Variants in LCLAT1 observed in about 807,000 individuals in gnomAD.
LCLAT1 encodes 1-AGP acyltransferase 8.
LCLAT1 carries 11 observed loss-of-function variants against 30.7 expected under a neutral mutation model. The observed-to-expected ratio is 0.36, with a 90% CI of 0.23 to 0.59. The LOEUF is 0.59. Ranked by LOEUF, LCLAT1 falls within the 20% of genes least tolerant of loss-of-function variation. The pLI is 0.77. For missense variants in LCLAT1, 402 were observed against 458.6 expected, an observed-to-expected ratio of 0.88 and a Z score of 1.13; for synonymous variants, 155 against 151.3, an observed-to-expected ratio of 1.02 and a Z score of -0.18.
intron 1 of LCLAT1, among the ~76,000 whole-genome samples, chr2:30,523,308 T>C (rs1487929055): frequency 6.6e-6 from 1 of 150,952 alleles, no homozygotes; most frequent in Non-Finnish European, 1.5e-5. Context: ...TATAGTGTCA[T>C]CAACGCAAAG....
intron 5 of LCLAT1, among the ~76,000 whole-genome samples, chr2:30,624,358 G>T (rs138345604): frequency 6.6e-6 from 1 of 152,112 alleles, no homozygotes; most frequent in African/African-American, 2.4e-5. Context: ...CCAAGTATCC[G>T]CTGTCTTCAA....
At chr2:30,616,140 A>T (rs1189264072) in intron 5 of LCLAT1, among the ~76,000 whole-genome samples, 1 of 152,116 alleles carries the variant, frequency 6.6e-6, no homozygotes, top group Non-Finnish European at 1.5e-5. Context: ...GCTGATAGGG[A>T]ATGTTGCTGT....
chr2:30,478,330 G>T (rs1683146390), intron 1 of LCLAT1, among the ~76,000 whole-genome samples: 1 of 152,142 alleles, frequency 6.6e-6, no homozygotes. Context: ...GTGGGAAAAT[G>T]CATTCTGAAT....
intron 5 of LCLAT1, among the ~76,000 whole-genome samples, chr2:30,605,356 G>C (rs544409367): frequency 1.2e-4 from 18 of 152,308 alleles, no homozygotes; most frequent in African/African-American, 4.1e-4. Context: ...TAGTCTTGAC[G>C]TCAGTAGTCT....
intron 1 of LCLAT1, among the ~76,000 whole-genome samples, chr2:30,463,076 G>C (rs1472542928): frequency 6.6e-6 from 1 of 151,846 alleles, no homozygotes. Context: ...ACCAGTTTGG[G>C]CAACATAGCA....
intron 5 of LCLAT1, among the ~76,000 whole-genome samples, chr2:30,581,182 C>G (rs1477403737): frequency 6.6e-6 from 1 of 152,186 alleles, no homozygotes; most frequent in Admixed American, 6.5e-5. Flanking sequence ...AGTCTGGGCT[C>G]TTGCCTCTAC....
chr2:30,501,082 GTGTGTGTGTGTGTGTA>G (rs1684359945), intron 1 of LCLAT1, among the ~76,000 whole-genome samples: 4 of 78,352 alleles, frequency 5.1e-5, no homozygotes, highest in Admixed American at 3.0e-4. Context: ...TGTTCTGTGT[GTGTGTGTGTGTGTGTA>G]TGTGTGTGTG....
Position 30,640,357 on chromosome 2 carries a change from C to T in LCLAT1, c.869C>T (p.Thr290Ile), listed in dbSNP as rs1669239738. 1.9e-6 allele frequency: 3 copies of T among 1,614,182 alleles called. No homozygotes were observed. Among genetic ancestry groups the T allele is most frequent in the African/African-American group, 1.3e-5 (1 of 75,056 alleles). The change falls in exon 6 of 6, where the codon ACC becomes ATC. Residue 290 changes from threonine to isoleucine, a missense_variant. By Grantham distance (89) the Thr-to-Ile change is moderately conservative. Transcript: ENST00000379509. ...CAAGGGGAGAAGAATTTTTATTTTA[C>T]CGGACAGAGTGTCATTCCACCTTGC... ...FYQGEKNFYF[T>I]GQSVIPPCKS...
At chr2:30,504,011 A>G (rs755208879) in intron 1 of LCLAT1, among the ~76,000 whole-genome samples, 1 of 152,142 alleles carries the variant, frequency 6.6e-6, no homozygotes, top group Non-Finnish European at 1.5e-5. Flanking sequence ...CCTGACTGTC[A>G]CAACTGGCCT....
chr2:30,457,241 T>A (rs1373094787), intron 1 of LCLAT1, among the ~76,000 whole-genome samples: 1 of 152,218 alleles, frequency 6.6e-6, no homozygotes, highest in African/African-American at 2.4e-5. Flanking sequence ...TCCAGTTTTC[T>A]TTAGTGGTTG....
intron 3 of LCLAT1, among the ~76,000 whole-genome samples, chr2:30,560,591 C>T (rs1232534576): frequency 6.6e-6 from 1 of 152,058 alleles, no homozygotes; most frequent in Non-Finnish European, 1.5e-5. Flanking sequence ...ATAGCCTCGG[C>T]CTCCCAAATT....
At chr2:30,558,598 A>T (rs1665046060) in intron 3 of LCLAT1, among the ~76,000 whole-genome samples, 1 of 6,476 alleles carries the variant, frequency 1.5e-4, no homozygotes, top group Non-Finnish European at 4.1e-4. Context: ...ACTTTGTCTC[A>T]AAAAAAAAAA....
At chr2:30,484,169 A>G (rs1032099957) in intron 1 of LCLAT1, among the ~76,000 whole-genome samples, 2 of 152,148 alleles carry the variant, frequency 1.3e-5, no homozygotes, top group African/African-American at 2.4e-5. Flanking sequence ...TATTCTCTGT[A>G]TTAGGCCCCA....
chr2:30,469,382 A>C (rs1229969941), intron 1 of LCLAT1, among the ~76,000 whole-genome samples: 1 of 151,676 alleles, frequency 6.6e-6, no homozygotes, highest in Non-Finnish European at 1.5e-5. Context: ...TTTTGTGTTT[A>C]GGTTTTTGAT....
At position 30,489,563 on chromosome 2, in the gene LCLAT1, A is replaced by G. The variant is rs1223626503; in HGVS notation, c.-4-36024A>G. Among the ~76,000 whole-genome samples, 5 of 152,196 alleles carry G rather than the reference A, an allele frequency of 3.3e-5. No homozygotes were observed. The East Asian group carries it at 9.6e-4, about 29-fold the overall frequency. Reference sequence around the variant, plus strand: ...GAGACAGCGTTTCACCATGTTAGCCAGGATGGTCTCGATCTCCTGACCTCG... The same window carrying G: ...GAGACAGCGTTTCACCATGTTAGCCGGGATGGTCTCGATCTCCTGACCTCG... On this transcript the variant is annotated intron_variant, in intron 1 of 5. Transcript: ENST00000379509.
chr2:30,479,070 T>C (rs1046371190), intron 1 of LCLAT1, among the ~76,000 whole-genome samples: 2 of 152,114 alleles, frequency 1.3e-5, no homozygotes, highest in African/African-American at 4.8e-5. Context: ...TCAGACAGAA[T>C]AGATGAATAC....
intron 5 of LCLAT1, among the ~76,000 whole-genome samples, chr2:30,618,135 C>G (rs977845609): frequency 9.2e-5 from 14 of 152,146 alleles, no homozygotes; most frequent in African/African-American, 3.4e-4. Flanking sequence ...ATGTCTAACT[C>G]TCCTCCAGTA....
At chr2:30,586,414 C>A (rs1295069464) in intron 5 of LCLAT1, among the ~76,000 whole-genome samples, 1 of 152,152 alleles carries the variant, frequency 6.6e-6, no homozygotes, top group African/African-American at 2.4e-5. Context: ...TGATTTATGG[C>A]AGCATGACTC....
At chr2:30,573,223 C>A (rs1315741075) in intron 5 of LCLAT1, among the ~76,000 whole-genome samples, 4 of 152,144 alleles carry the variant, frequency 2.6e-5, no homozygotes, top group African/African-American at 9.7e-5. Context: ...TGATTCTACC[C>A]CTTAAGGATC....
Sources: allele counts gnomAD v4.1 joint callset (sites outside exome capture counted in the v4.1 genomes callset), GRCh38; gene constraint gnomAD v4.1.1; transcripts MANE v1.5; gene names NCBI Gene and HGNC (gene_info 2026-07-23, HGNC 2026-07-21).